SLC25A29: variants seen among roughly 807,000 people sequenced by gnomAD.
SLC25A29 encodes the protein mitochondrial basic amino acids transporter.
Under a neutral mutation model 10.0 loss-of-function variants are expected in SLC25A29, and 13 were observed. The observed-to-expected ratio is 1.30, with a 90% confidence interval of 0.85 to 2.07. The LOEUF (loss-of-function observed/expected upper bound fraction) is 2.07. Among genes scored for constraint, SLC25A29 ranks in the 30% most tolerant of loss-of-function variants. SLC25A29 has a pLI of 0.00. For missense variants in SLC25A29, 475 were observed against 447.6 expected (o/e 1.06, Z -0.55); for synonymous variants, 244 against 221.1 (o/e 1.10, Z -0.92).
intron 2 of SLC25A29, chr14:100,294,081 TG>T (rs1258951059): frequency 1.3e-4 from 20 of 152,348 alleles, no homozygotes; most frequent in African/African-American, 4.3e-4. Context: ...CACTCCAGCC[TG>T]GGCGAGAAAG....
chr14:100,304,081 G>A (rs1892748771), intron 1 of SLC25A29, among the ~76,000 whole-genome samples: 2 of 152,122 alleles, frequency 1.3e-5, no homozygotes, highest in Non-Finnish European at 2.9e-5. Context: ...GTTAAAACAC[G>A]TGACCCACAC....
At chr14:100,285,535 C>T in the SLC25A29 span, among the ~76,000 whole-genome samples, 1 of 151,874 alleles carries the variant, frequency 6.6e-6, no homozygotes, top group Non-Finnish European at 1.5e-5. Flanking sequence ...GCGGTGGGGG[C>T]TGTCCAGAAT....
At position 100,293,401 on chromosome 14, in the gene SLC25A29, A is replaced by C. The variant is rs3809409; in HGVS notation, c.79-24T>G. On this transcript the variant is annotated intron_variant, in intron 2 of 3. Transcript: ENST00000359232. Reference sequence around the variant, plus strand: ...ACCTGGAAGGAGAGGGTCCAGTGAGAGGCAGGCAGGCAGGACCAGAGCACC... The same window carrying C: ...ACCTGGAAGGAGAGGGTCCAGTGAGCGGCAGGCAGGCAGGACCAGAGCACC... The C allele has an allele frequency of 0.28, 454,342 of 1,604,964 alleles. 66,180 individuals carry two copies. The highest frequency in any genetic ancestry group is 0.4 in the Admixed American group (23,824 of 59,380).
In SLC25A29 at chr14:100,292,235, T is replaced by C; in HGVS notation, c.*48A>G. 1 of 1,526,482 alleles carries C rather than the reference T, an allele frequency of 6.6e-7. No homozygotes were observed. Among genetic ancestry groups the C allele is most frequent in the Non-Finnish European group, 8.8e-7 (1 of 1,138,278 alleles). The allele number at this position is 1,526,482 out of a possible 1,614,324, so 94.6% of individuals were successfully genotyped here. A position where few individuals can be genotyped will look rare whatever the true frequency, so the allele number is the denominator to read the frequency against. On this transcript the variant is annotated 3_prime_UTR_variant, in exon 4 of 4. Transcript: ENST00000359232. The stretch of plus-strand genomic sequence containing the variant: ...CAATCGACTCAGGGGCCAATTTATG[T>C]CCCAGGTTTCTGAGAAGGAGCCCTG...
chr14:100,293,503 T>C, intron 2 of SLC25A29, 126 bp from the exon 3 acceptor site: 1 of 747,790 alleles, frequency 1.3e-6, no homozygotes, highest in Non-Finnish European at 2.2e-6. Flanking sequence ...AGTCTAAGAC[T>C]TTTGTAATTC....
chr14:100,300,090 G>A (rs1413827709), intron 1 of SLC25A29: 1 of 354,742 alleles, frequency 2.8e-6, no homozygotes, highest in South Asian at 1.2e-4. Flanking sequence ...AGCCAACATG[G>A]TGAAACCCCG....
At chr14:100,285,396 G>T in the SLC25A29 span, among the ~76,000 whole-genome samples, 33 of 151,916 alleles carry the variant, frequency 2.2e-4, no homozygotes, top group Admixed American at 9.2e-4. Context: ...CCACCCGCAG[G>T]GTGCGCCGCC....
At chr14:100,278,592 T>G in the SLC25A29 span, 2 of 152,260 alleles carry the variant, frequency 1.3e-5, no homozygotes, top group Non-Finnish European at 2.9e-5. Context: ...TTCCTTTATT[T>G]TGCACTCAAT....
rs749212802 is a variant in SLC25A29, at chr14:100,306,198, C to A, written c.34+1G>T. Reference sequence around the variant, plus strand: ...CCCGGCCCGGCCCGCCGCCTCCTTACCCCCCGCGCATCCAGCCAAGAAGTC... The same window carrying A: ...CCCGGCCCGGCCCGCCGCCTCCTTAACCCCCGCGCATCCAGCCAAGAAGTC... On this transcript the variant is annotated splice_donor_variant, in intron 1 of 3. Transcript: ENST00000359232. LOFTEE classifies it high-confidence loss of function. The A allele has an allele frequency of 4.0e-6, 6 of 1,504,396 alleles. No individual in the cohort carries two copies. The highest frequency in any genetic ancestry group is 1.4e-5 in the African/African-American group (1 of 69,138). The allele number at this position is 1,504,396 out of a possible 1,614,324, so 93.2% of individuals were successfully genotyped here. A position where few individuals can be genotyped will look rare whatever the true frequency, so the allele number is the denominator to read the frequency against.
At chr14:100,284,733 A>G in the SLC25A29 span, among the ~76,000 whole-genome samples, 34 of 152,280 alleles carry the variant, frequency 2.2e-4, no homozygotes, top group African/African-American at 7.2e-4. Flanking sequence ...GAAGGAGGAT[A>G]AGGCTGTGAT....
chr14:100,285,422 A>G, the SLC25A29 span, among the ~76,000 whole-genome samples: 1 of 151,464 alleles, frequency 6.6e-6, no homozygotes, highest in Non-Finnish European at 1.5e-5. Flanking sequence ...CGGCCGCAGG[A>G]GGGCACTGTG....
intron 1 of SLC25A29, 107 bp downstream of exon 1, chr14:100,306,092 G>T: frequency 1.2e-6 from 1 of 801,958 alleles, no homozygotes; most frequent in Non-Finnish European, 1.8e-6. Flanking sequence ...ATTCACAGAC[G>T]CGGCGACCCC....
At chr14:100,301,049 G>A (rs1410714159) in intron 1 of SLC25A29, among the ~76,000 whole-genome samples, 2 of 151,884 alleles carry the variant, frequency 1.3e-5, no homozygotes, top group South Asian at 2.1e-4. Flanking sequence ...ACAGGCGCCC[G>A]CCACCACACC....
At position 100,293,391 on chromosome 14, in the gene SLC25A29, G is replaced by A. The variant is rs762440610; in HGVS notation, c.79-14C>T. On this transcript the variant is annotated splice_polypyrimidine_tract_variant and intron_variant, in intron 2 of 3. Coordinates refer to ENST00000359232, the MANE Select transcript of SLC25A29 (RefSeq NM_001039355.3). The stretch of plus-strand genomic sequence containing the variant: ...CTGAAGCCGTACCTGGAAGGAGAGG[G>A]TCCAGTGAGAGGCAGGCAGGCAGGA... 1 of 1,611,570 alleles carries A rather than the reference G, an allele frequency of 6.2e-7. No homozygotes were observed.
the SLC25A29 span, among the ~76,000 whole-genome samples, chr14:100,283,431 C>T: frequency 2.7e-5 from 4 of 150,462 alleles, no homozygotes; most frequent in East Asian, 3.9e-4. Context: ...CTGAGCAAGA[C>T]GGTGGAAAAC....
At position 100,292,096 on chromosome 14, in the gene SLC25A29, G is replaced by C; in HGVS notation, c.*187C>G. On this transcript the variant is annotated 3_prime_UTR_variant, in exon 4 of 4. Transcript: ENST00000359232. ...TGGGCATGAGGGTCCTTATTTCATAGATGAGAACACTGAGGCAAGTGCAGT... is the reference window on the plus strand; with the variant it reads ...TGGGCATGAGGGTCCTTATTTCATACATGAGAACACTGAGGCAAGTGCAGT... The C allele has an allele frequency of 4.3e-6, 3 of 702,122 alleles. No homozygotes were observed. The highest frequency in any genetic ancestry group is 7.3e-6 in the Non-Finnish European group (3 of 409,538). 43.5% of individuals were successfully genotyped at this position (702,122 alleles called of 1,614,324 possible). A position where few individuals can be genotyped will look rare whatever the true frequency, so the allele number is the denominator to read the frequency against.
intron 2 of SLC25A29, 130 bp from the exon 3 acceptor site, chr14:100,293,507 G>GT: frequency 1.4e-6 from 1 of 709,902 alleles, no homozygotes; most frequent in Non-Finnish European, 2.4e-6. Flanking sequence ...TAAGACTTTT[G>GT]TAATTCCAGG....
In SLC25A29 at chr14:100,292,219, C is replaced by G; in HGVS notation, c.*64G>C. 6.6e-7 allele frequency: 1 copy of G among 1,520,944 alleles called. No homozygotes were observed. Among genetic ancestry groups the G allele is most frequent in the Non-Finnish European group, 8.8e-7 (1 of 1,135,290 alleles). The allele number at this position is 1,520,944 out of a possible 1,614,324, so 94.2% of individuals were successfully genotyped here. The stretch of plus-strand genomic sequence containing the variant: ...CCAGCAGGAAGCAGGGCAATCGACT[C>G]AGGGGCCAATTTATGTCCCAGGTTT... On this transcript the variant is annotated 3_prime_UTR_variant, in exon 4 of 4. Transcript: ENST00000359232.
intron 2 of SLC25A29, chr14:100,295,482 GCCCCCA>G: frequency 1.0e-6 from 1 of 975,684 alleles, no homozygotes; most frequent in Non-Finnish European, 1.3e-6. Context: ...GCCAGCCCGA[GCCCCCA>G]CCCCAGGACC....
Sources: allele counts gnomAD v4.1 joint callset (sites outside exome capture counted in the v4.1 genomes callset), GRCh38; gene constraint gnomAD v4.1.1; transcripts MANE v1.5; gene names NCBI Gene and HGNC (gene_info 2026-07-23, HGNC 2026-07-21).